Variants in LRFN5 observed in about 807,000 individuals in gnomAD.
LRFN5 encodes the protein leucine rich repeat and fibronectin type III domain containing 5.
In LRFN5, 24 loss-of-function variants were observed where a neutral mutation model predicts 45.6. That is an observed-to-expected ratio of 0.53 (90% confidence interval 0.38 to 0.74). The LOEUF (loss-of-function observed/expected upper bound fraction) is 0.74. Ranked by LOEUF, LRFN5 falls within the 30% of genes least tolerant of loss-of-function variation. The probability of loss-of-function intolerance (pLI) is 0.00; values close to 1 mark genes in which losing one functional copy is unlikely to be tolerated. For synonymous variants in LRFN5, 340 were observed against 313.8 expected (o/e 1.08, Z -0.88); for missense variants, 776 against 861.5 (o/e 0.90, Z 1.24).
At position 41,887,311 on chromosome 14, in the gene LRFN5, G is replaced by A. The variant is rs1427354938; in HGVS notation, c.686G>A (p.Ser229Asn). 2 of 1,614,028 alleles carry A rather than the reference G, an allele frequency of 1.2e-6. No homozygotes were observed. Among genetic ancestry groups the A allele is most frequent in the African/African-American group, 2.7e-5 (2 of 74,912 alleles). Residue 229 changes from serine (S) to asparagine (N), a missense_variant, in exon 3 of 6, where the codon AGC becomes AAC. Ser to Asn is a conservative substitution (Grantham distance 46, BLOSUM62 1). Transcript: ENST00000298119. This position sits in a 1 kb window ranked among gnomAD's most constrained non-coding sequence, Gnocchi z 4.8. The part of the protein sequence containing the change: ...AQVLATSGII[S>N]PSTFALSFGG... The stretch of plus-strand genomic sequence containing the variant: ...GTACTAGCAACCTCAGGAATCATAA[G>A]CCCATCTACTTTTGCATTAAGTTTT...
chr14:41,892,837 A>G (rs1202561980), intron 4 of LRFN5: 2 of 985,234 alleles, frequency 2.0e-6, no homozygotes, highest in South Asian at 4.7e-5. Context: ...ACAAATTCCT[A>G]TGCATCTACA....
intron 2 of LRFN5, among the ~76,000 whole-genome samples, chr14:41,781,050 T>C (rs1267068817): frequency 6.6e-6 from 1 of 152,196 alleles, no homozygotes. Context: ...ATTATTACTA[T>C]TTGTACTTCG....
intron 1 of LRFN5, among the ~76,000 whole-genome samples, chr14:41,729,454 C>CTTTCTTTATAAATTATAAA (rs1884076401): frequency 6.6e-6 from 1 of 152,042 alleles, no homozygotes; most frequent in African/African-American, 2.4e-5. Flanking sequence ...ATTAAACCTC[C>CTTTCTTTATAAATTATAAA]TTTCTTTATA....
intron 1 of LRFN5, among the ~76,000 whole-genome samples, chr14:41,722,512 A>G (rs966586354): frequency 2.0e-5 from 3 of 150,352 alleles, no homozygotes; most frequent in Admixed American, 2.0e-4. Context: ...AATCATTTTC[A>G]TATGTGAATA....
At chr14:41,858,163 G>A (rs908623218) in intron 2 of LRFN5, among the ~76,000 whole-genome samples, 4 of 152,080 alleles carry the variant, frequency 2.6e-5, no homozygotes, top group Admixed American at 1.3e-4. Flanking sequence ...GGAGCAAAAG[G>A]CAAATTAATA....
intron 2 of LRFN5, among the ~76,000 whole-genome samples, chr14:41,817,470 A>G (rs1277847648): frequency 1.3e-5 from 2 of 152,036 alleles, no homozygotes; most frequent in African/African-American, 4.8e-5. Context: ...GTATTTTACG[A>G]GCTTGTACCT....
At chr14:41,880,612 A>G (rs1178536147) in intron 2 of LRFN5, among the ~76,000 whole-genome samples, 1 of 152,176 alleles carries the variant, frequency 6.6e-6, no homozygotes, top group Admixed American at 6.5e-5. Flanking sequence ...TTGAAGTTGC[A>G]TTTTATAATT....
At position 41,607,231 on chromosome 14, in the gene LRFN5, C is replaced by T. The variant is rs61990289; in HGVS notation, c.-1528C>T. Among the ~76,000 whole-genome samples the T allele has an allele frequency of 0.44, 67,385 of 151,828 alleles. 15,307 individuals carry two copies. The highest frequency in any genetic ancestry group is 0.5 in the Non-Finnish European group (34,247 of 67,914). On this transcript the variant is annotated 5_prime_UTR_variant, in exon 1 of 6. Coordinates refer to ENST00000298119, the MANE Select transcript of LRFN5 (RefSeq NM_152447.5). ...TAGCAGCTGGCTGCTCCCTTAGGAT[C>T]CTTGACTTTGGGGAGCTCTGGCTGT...
chr14:41,726,105 A>T (rs1187281493), intron 1 of LRFN5, among the ~76,000 whole-genome samples: 2 of 152,158 alleles, frequency 1.3e-5, no homozygotes, highest in African/African-American at 4.8e-5. Flanking sequence ...TAAAAAGGGG[A>T]TCATGTTACT....
At chr14:41,682,004 G>A (rs1881917832) in intron 1 of LRFN5, among the ~76,000 whole-genome samples, 2 of 151,180 alleles carry the variant, frequency 1.3e-5, no homozygotes, top group Admixed American at 1.3e-4. Flanking sequence ...TTTTAGTAGA[G>A]ACAGGGTTTC....
intron 2 of LRFN5, among the ~76,000 whole-genome samples, chr14:41,859,202 A>G (rs1015105390): frequency 6.6e-6 from 1 of 152,230 alleles, no homozygotes; most frequent in Non-Finnish European, 1.5e-5. Flanking sequence ...ACTGAGAGCC[A>G]TCTCCAGCAT....
intron 2 of LRFN5, among the ~76,000 whole-genome samples, chr14:41,841,782 C>G (rs946881989): frequency 2.0e-5 from 3 of 151,576 alleles, no homozygotes; most frequent in African/African-American, 7.3e-5. Context: ...TCATATCAGC[C>G]CATCAGATCT....
chr14:41,865,885 T>A (rs1447266211), intron 2 of LRFN5, among the ~76,000 whole-genome samples: 6 of 152,190 alleles, frequency 3.9e-5, no homozygotes, highest in Admixed American at 3.9e-4. Flanking sequence ...TGAAAATTCT[T>A]TGCCCAATTA....
intron 1 of LRFN5, among the ~76,000 whole-genome samples, chr14:41,722,393 G>A (rs887962100): frequency 6.6e-6 from 1 of 151,974 alleles, no homozygotes; most frequent in African/African-American, 2.4e-5. Flanking sequence ...GACCGTTACC[G>A]GAGAGCTAGT....
At chr14:41,609,797 G>A (rs1365073563) in intron 1 of LRFN5, among the ~76,000 whole-genome samples, 1 of 152,182 alleles carries the variant, frequency 6.6e-6, no homozygotes, top group Non-Finnish European at 1.5e-5. Flanking sequence ...GCAGTGACTG[G>A]GGCTGCTGGG....
At chr14:41,869,829 C>T (rs1889959413) in intron 2 of LRFN5, among the ~76,000 whole-genome samples, 1 of 152,100 alleles carries the variant, frequency 6.6e-6, no homozygotes, top group South Asian at 2.1e-4. Flanking sequence ...TCAGTTATCT[C>T]ACACTGGGTC....
At chr14:41,766,107 A>G (rs1287469874) in intron 1 of LRFN5, among the ~76,000 whole-genome samples, 1 of 152,152 alleles carries the variant, frequency 6.6e-6, no homozygotes, top group Non-Finnish European at 1.5e-5. Context: ...TAAAATTACA[A>G]TGCTTTTATT....
intron 2 of LRFN5, among the ~76,000 whole-genome samples, chr14:41,797,069 A>G (rs948263140): frequency 4.0e-5 from 6 of 151,788 alleles, no homozygotes; most frequent in Admixed American, 6.6e-5. Context: ...ATAGTTTTTA[A>G]TCTACCAAAT....
rs778629394 is a variant in LRFN5, at chr14:41,904,436, T to C, written c.*261T>C. 3 of 416,116 alleles carry C rather than the reference T, an allele frequency of 7.2e-6. No homozygotes were observed. The highest frequency in any genetic ancestry group is 1.3e-5 in the Non-Finnish European group (3 of 235,810). 25.8% of individuals were successfully genotyped at this position (416,116 alleles called of 1,614,324 possible). ...TTTTAAAAAAGAAAAAAAGCCTACA[T>C]TGGCATCAAGTTCTGTATCAATCCA... is the stretch of plus-strand genomic sequence containing the variant. On this transcript the variant is annotated 3_prime_UTR_variant, in exon 6 of 6. Coordinates refer to ENST00000298119, the MANE Select transcript of LRFN5 (RefSeq NM_152447.5).
Sources: allele counts gnomAD v4.1 joint callset (sites outside exome capture counted in the v4.1 genomes callset), GRCh38; gene constraint gnomAD v4.1.1; non-coding constraint Gnocchi (gnomAD v3.1); transcripts MANE v1.5; gene names NCBI Gene and HGNC (gene_info 2026-07-23, HGNC 2026-07-21).